SDK1: variants seen among roughly 807,000 people sequenced by gnomAD.
SDK1 encodes sidekick cell adhesion molecule 1, also known as protein sidekick-1.
SDK1 carries 157 observed loss-of-function variants against 245.5 expected under a neutral mutation model. That is an observed-to-expected ratio of 0.64 (90% CI 0.56 to 0.73). SDK1 has a LOEUF of 0.73. SDK1 is among the 30% of genes least tolerant of loss of function. The probability of loss-of-function intolerance (pLI) is 0.00; values close to 1 mark genes in which losing one functional copy is unlikely to be tolerated. For synonymous variants in SDK1, 1,647 were observed against 1,278.5 expected (o/e 1.29, Z -6.15); for missense variants, 3,583 against 3,002.3 (o/e 1.19, Z -4.52).
chr7:4,033,712 A>C (rs1269821476), intron 17 of SDK1, among the ~76,000 whole-genome samples: 2 of 152,194 alleles, frequency 1.3e-5, no homozygotes, highest in Non-Finnish European at 2.9e-5. Flanking sequence ...AATACGCTCA[A>C]CCTTATCAAG....
At position 3,969,340 on chromosome 7, in the gene SDK1, T is replaced by G; in HGVS notation, c.1630T>G (p.Phe544Val). 1 of 1,611,332 alleles carries G rather than the reference T, an allele frequency of 6.2e-7. No homozygotes were observed. Among genetic ancestry groups the G allele is most frequent in the Non-Finnish European group, 8.5e-7 (1 of 1,178,838 alleles). Residue 544 changes from phenylalanine to valine, a missense_variant, in exon 11 of 45, where the codon TTC becomes GTC. By Grantham distance (50) the Phe-to-Val change is conservative. Coordinates refer to ENST00000404826, the MANE Select transcript of SDK1 (RefSeq NM_152744.4). The stretch of plus-strand genomic sequence containing the variant: ...GGGGGGTCTACAGATCGCGCCCGTC[T>G]TCATCCAGGATGCCGGCAACTACAC... ...ESGGLQIAPV[F>V]IQDAGNYTCY...
At chr7:3,316,096 A>G (rs1779656894) in intron 1 of SDK1, among the ~76,000 whole-genome samples, 1 of 152,228 alleles carries the variant, frequency 6.6e-6, no homozygotes, top group African/African-American at 2.4e-5. Flanking sequence ...GGTAGATAGT[A>G]TGCATAAAAA....
chr7:3,652,444 T>C (rs952445421), intron 4 of SDK1, among the ~76,000 whole-genome samples: 10 of 152,192 alleles, frequency 6.6e-5, no homozygotes, highest in Non-Finnish European at 1.5e-4. Flanking sequence ...TGGCCCCTCA[T>C]GGCCTCACAG....
intron 1 of SDK1, among the ~76,000 whole-genome samples, chr7:3,342,416 C>T (rs557999764): frequency 6.6e-6 from 1 of 152,120 alleles, no homozygotes; most frequent in East Asian, 1.9e-4. Flanking sequence ...TGGAGAAACA[C>T]CGTCTCTACT....
At chr7:4,182,142 A>G (rs1323591954) in intron 35 of SDK1, among the ~76,000 whole-genome samples, 1 of 152,070 alleles carries the variant, frequency 6.6e-6, no homozygotes, top group African/African-American at 2.4e-5. Flanking sequence ...GATGGTCTCA[A>G]TCTCCTGACC....
At chr7:3,514,611 C>T (rs1405071656) in intron 1 of SDK1, among the ~76,000 whole-genome samples, 3 of 152,138 alleles carry the variant, frequency 2.0e-5, no homozygotes, top group Non-Finnish European at 4.4e-5. Context: ...TGATGCATTT[C>T]AGCATGCACG....
At chr7:3,568,234 G>T (rs563442583) in intron 1 of SDK1, among the ~76,000 whole-genome samples, 1 of 152,136 alleles carries the variant, frequency 6.6e-6, no homozygotes, top group Non-Finnish European at 1.5e-5. Context: ...AATTTAATAT[G>T]CATTTAATAA....
intron 1 of SDK1, among the ~76,000 whole-genome samples, chr7:3,555,008 C>G (rs1391922397): frequency 3.9e-5 from 6 of 152,106 alleles, no homozygotes; most frequent in African/African-American, 9.6e-5. Flanking sequence ...TCCATATTAC[C>G]CAGGGCAATC....
At chr7:3,303,983 T>C (rs1779350130) in intron 1 of SDK1, among the ~76,000 whole-genome samples, 1 of 152,302 alleles carries the variant, frequency 6.6e-6, no homozygotes, top group South Asian at 2.1e-4. Flanking sequence ...TATTATTACA[T>C]TGTAGCTAGG....
chr7:3,983,913 C>G (rs1037526700), intron 13 of SDK1, among the ~76,000 whole-genome samples: 1 of 152,216 alleles, frequency 6.6e-6, no homozygotes, highest in Non-Finnish European at 1.5e-5. Flanking sequence ...GTGTGCGTCT[C>G]TGCACATCAC....
At chr7:4,043,504 C>A (rs7792644) in intron 17 of SDK1, among the ~76,000 whole-genome samples, 1 of 152,038 alleles carries the variant, frequency 6.6e-6, no homozygotes, top group East Asian at 1.9e-4. Flanking sequence ...TGTGAGAGCT[C>A]GTGATTTTAG....
At chr7:3,578,952 T>A (rs900615064) in intron 1 of SDK1, among the ~76,000 whole-genome samples, 1 of 151,906 alleles carries the variant, frequency 6.6e-6, no homozygotes, top group African/African-American at 2.4e-5. Context: ...ATTAAGAGAT[T>A]AAAGTAAGAC....
intron 1 of SDK1, among the ~76,000 whole-genome samples, chr7:3,431,486 G>A (rs1432753240): frequency 1.3e-5 from 2 of 151,142 alleles, no homozygotes; most frequent in East Asian, 1.9e-4. Flanking sequence ...GTAAGGCTCT[G>A]CCTTTTAAGT....
Position 4,079,436 on chromosome 7 carries a change from T to C in SDK1, c.3203-27T>C, listed in dbSNP as rs115155306. Reference sequence around the variant, plus strand: ...TAAGCTGTGACGGACTGTAAATCTCTCCCTTTCCTCCCTGGTTCCTCTCTA... The same window carrying C: ...TAAGCTGTGACGGACTGTAAATCTCCCCCTTTCCTCCCTGGTTCCTCTCTA... On this transcript the variant is annotated intron_variant, in intron 21 of 44. Coordinates refer to ENST00000404826, the MANE Select transcript of SDK1 (RefSeq NM_152744.4). The C allele has an allele frequency of 4.2e-4, 681 of 1,613,146 alleles. 2 individuals are homozygous for C. The African/African-American group carries it at 7.5e-3, about 18-fold the overall frequency.
At chr7:3,472,393 A>G (rs1230224524) in intron 1 of SDK1, among the ~76,000 whole-genome samples, 1 of 151,824 alleles carries the variant, frequency 6.6e-6, no homozygotes, top group African/African-American at 2.4e-5. Context: ...TGGAAAAAAA[A>G]TTAGTAATTT....
intron 1 of SDK1, among the ~76,000 whole-genome samples, chr7:3,389,492 C>G (rs1432310872): frequency 6.6e-6 from 1 of 152,176 alleles, no homozygotes; most frequent in South Asian, 2.1e-4. Context: ...CCATCACCTT[C>G]ACTGTCATTC....
chr7:3,511,191 A>G (rs1782568293), intron 1 of SDK1, among the ~76,000 whole-genome samples: 1 of 152,216 alleles, frequency 6.6e-6, no homozygotes, highest in African/African-American at 2.4e-5. Flanking sequence ...GTCTGTGTTA[A>G]TAGGTGATTT....
intron 1 of SDK1, among the ~76,000 whole-genome samples, chr7:3,432,912 T>C (rs1307884645): frequency 6.6e-6 from 1 of 152,216 alleles, no homozygotes; most frequent in African/African-American, 2.4e-5. Context: ...CTCATTCTTG[T>C]ACAGATTCAT....
chr7:3,685,119 C>A (rs1583305642), intron 4 of SDK1, among the ~76,000 whole-genome samples: 1 of 151,744 alleles, frequency 6.6e-6, no homozygotes, highest in Non-Finnish European at 1.5e-5. Context: ...AAAGCCTAAA[C>A]CTATAAATTC....
Sources: allele counts gnomAD v4.1 joint callset (sites outside exome capture counted in the v4.1 genomes callset), GRCh38; gene constraint gnomAD v4.1.1; transcripts MANE v1.5; gene names NCBI Gene and HGNC (gene_info 2026-07-23, HGNC 2026-07-21).